The following GABRG3 variants were observed in gnomAD, a reference collection of about 807,000 sequenced individuals.
The protein encoded by GABRG3 is gamma-aminobutyric acid type A receptor subunit gamma3.
GABRG3 carries 25 observed loss-of-function variants against 48.8 expected under a neutral mutation model. The ratio of observed to expected loss-of-function variants is 0.51; its 90% CI spans 0.37 to 0.72. The LOEUF is 0.72. Among genes scored for constraint, GABRG3 ranks in the 30% least tolerant of loss-of-function variants. GABRG3 has a pLI of 0.00. For missense variants in GABRG3, 394 were observed against 577.9 expected, an observed-to-expected ratio of 0.68 and a Z score of 3.26; for synonymous variants, 227 against 217.6, an observed-to-expected ratio of 1.04 and a Z score of -0.38.
In GABRG3 at chr15:27,079,655, T is replaced by G. The variant is rs544990092; in HGVS notation, c.270+52834T>G. Among the ~76,000 whole-genome samples, 21 of 152,224 alleles carry G rather than the reference T, an allele frequency of 1.4e-4. No individual in the cohort carries two copies. The East Asian group carries it at 3.9e-3, about 28-fold the overall frequency. On this transcript the variant is annotated intron_variant, in intron 3 of 9. Coordinates refer to ENST00000615808, the MANE Select transcript of GABRG3 (RefSeq NM_033223.5). ...CAGGAAGCTTGATGGTTCTCACCAG[T>G]GAGACCCAGCCTCGGGCCTTCTATT...
intron 2 of GABRG3, among the ~76,000 whole-genome samples, chr15:27,005,926 C>G (rs1895575297): frequency 6.6e-6 from 1 of 152,142 alleles, no homozygotes. Context: ...TAAAAATTAA[C>G]TTGATATATA....
At chr15:27,210,787 C>T (rs1054162322) in intron 3 of GABRG3, among the ~76,000 whole-genome samples, 9 of 152,210 alleles carry the variant, frequency 5.9e-5, no homozygotes, top group African/African-American at 9.7e-5. Context: ...GGGACACAGC[C>T]TCCACTGGGA....
At chr15:27,026,674 T>G in intron 2 of GABRG3, 80 bp from the exon 3 acceptor site, 14 of 939,492 alleles carry the variant, frequency 1.5e-5, no homozygotes, top group Non-Finnish European at 2.1e-5. Flanking sequence ...ATGCTATGTA[T>G]GAGACTTTAG....
intron 6 of GABRG3, among the ~76,000 whole-genome samples, chr15:27,514,134 C>A (rs547941267): frequency 7.9e-5 from 12 of 152,182 alleles, no homozygotes; most frequent in African/African-American, 2.9e-4. Flanking sequence ...GCACAAAGAC[C>A]GAAGAAGAGC....
At chr15:27,389,415 C>T (rs1385404493) in intron 5 of GABRG3, among the ~76,000 whole-genome samples, 3 of 152,152 alleles carry the variant, frequency 2.0e-5, no homozygotes. Flanking sequence ...AGGGAACACA[C>T]CATATGCTCA....
At chr15:27,198,204 G>A (rs972453041) in intron 3 of GABRG3, among the ~76,000 whole-genome samples, 4 of 152,138 alleles carry the variant, frequency 2.6e-5, no homozygotes, top group African/African-American at 9.7e-5. Flanking sequence ...CCATCAGAGT[G>A]AACAGGCAAC....
At chr15:27,416,627 T>TTC (rs1206944525) in intron 5 of GABRG3, among the ~76,000 whole-genome samples, 1 of 152,080 alleles carries the variant, frequency 6.6e-6, no homozygotes, top group Non-Finnish European at 1.5e-5. Context: ...CCCCTGGAGT[T>TTC]TCTCTCTCTC....
intron 5 of GABRG3, among the ~76,000 whole-genome samples, chr15:27,360,836 C>T (rs776854690): frequency 9.9e-5 from 15 of 152,222 alleles, no homozygotes; most frequent in Non-Finnish European, 2.1e-4. Context: ...TTTTGGCTCC[C>T]TGATGAGTTT....
intron 5 of GABRG3, among the ~76,000 whole-genome samples, chr15:27,358,631 G>A (rs1894920645): frequency 6.6e-6 from 1 of 152,064 alleles, no homozygotes; most frequent in South Asian, 2.1e-4. Context: ...GATCCAAAAA[G>A]GAATGCTGTG....
intron 5 of GABRG3, among the ~76,000 whole-genome samples, chr15:27,426,714 C>T (rs2140618627): frequency 6.6e-6 from 1 of 152,196 alleles, no homozygotes. Flanking sequence ...CACCTGTAGT[C>T]CCAGCTACTC....
chr15:27,308,559 G>GT (rs1892839533), intron 3 of GABRG3, among the ~76,000 whole-genome samples: 1 of 146,762 alleles, frequency 6.8e-6, no homozygotes, highest in Admixed American at 6.9e-5. Flanking sequence ...AAACATACAT[G>GT]TTTATATAAA....
intron 3 of GABRG3, among the ~76,000 whole-genome samples, chr15:27,148,199 ATAT>A (rs1898245586): frequency 6.6e-6 from 1 of 151,966 alleles, no homozygotes; most frequent in Admixed American, 6.6e-5. Flanking sequence ...ATAATCTATA[ATAT>A]TTAGATTATT....
intron 7 of GABRG3, among the ~76,000 whole-genome samples, chr15:27,521,776 A>G (rs1595809050): frequency 6.6e-6 from 1 of 152,174 alleles, no homozygotes; most frequent in East Asian, 1.9e-4. Context: ...AAGTTTATAT[A>G]AAATTGAAGA....
chr15:27,052,461 A>G (rs1324949454), intron 3 of GABRG3, among the ~76,000 whole-genome samples: 1 of 152,166 alleles, frequency 6.6e-6, no homozygotes, highest in African/African-American at 2.4e-5. Flanking sequence ...CTGGAGAATC[A>G]CAGAAAATCT....
intron 5 of GABRG3, among the ~76,000 whole-genome samples, chr15:27,359,718 C>T (rs1237147292): frequency 6.6e-6 from 1 of 152,186 alleles, no homozygotes; most frequent in African/African-American, 2.4e-5. Flanking sequence ...TCGCCGTAGG[C>T]AAATGGCATG....
intron 5 of GABRG3, among the ~76,000 whole-genome samples, chr15:27,449,902 T>G (rs774306544): frequency 7.2e-5 from 11 of 152,244 alleles, no homozygotes; most frequent in Non-Finnish European, 5.9e-5. Flanking sequence ...ATGCACTTCT[T>G]AAGGTATATG....
At chr15:26,985,089 A>G (rs950452087) in intron 2 of GABRG3, among the ~76,000 whole-genome samples, 4 of 152,268 alleles carry the variant, frequency 2.6e-5, no homozygotes, top group Non-Finnish European at 5.9e-5. Flanking sequence ...AAGAATATTC[A>G]GTATGTGCTG....
At chr15:27,145,519 A>C (rs2140392487) in intron 3 of GABRG3, among the ~76,000 whole-genome samples, 1 of 152,172 alleles carries the variant, frequency 6.6e-6, no homozygotes, top group Admixed American at 6.5e-5. Flanking sequence ...CAGCAACATA[A>C]ATTTTAAAAA....
chr15:27,512,545 G>A (rs866799392), intron 6 of GABRG3, among the ~76,000 whole-genome samples: 1 of 152,142 alleles, frequency 6.6e-6, no homozygotes, highest in African/African-American at 2.4e-5. Context: ...ATGATGCAAG[G>A]GTAGATGAGT....
Sources: gnomAD v4.1 joint callset for allele counts (sites outside exome capture counted in the v4.1 genomes callset) on GRCh38, gnomAD v4.1.1 for gene constraint, MANE v1.5 for transcripts, NCBI Gene and HGNC (gene_info 2026-07-23, HGNC 2026-07-21) for gene names.